Variants in ADARB1 observed in about 807,000 individuals in gnomAD.
ADARB1 encodes the protein double-stranded RNA-specific editase 1.
In ADARB1, 10 loss-of-function variants were observed where a neutral mutation model predicts 52.4. That is an observed-to-expected ratio of 0.19 (90% CI 0.12 to 0.32). ADARB1 has a LOEUF of 0.32. Among genes scored for constraint, ADARB1 ranks in the 10% least tolerant of loss-of-function variants. The probability of loss-of-function intolerance (pLI) is 1.00; values close to 1 mark genes in which losing one functional copy is unlikely to be tolerated. For missense variants in ADARB1, 643 were observed against 922.3 expected (o/e 0.70, Z 3.92); for synonymous variants, 349 against 371.1 (o/e 0.94, Z 0.68).
chr21:45,225,292 C>T lies in ADARB1; in HGVS notation c.*3095C>T. On this transcript the variant is annotated 3_prime_UTR_variant, in exon 11 of 11. Transcript: ENST00000348831. ...TCATCACCTGGTCGTACGCCAGGCC[C>T]ACCTCTTCCCAGCAAGGGACGCCAA... The T allele has an allele frequency of 8.5e-7, 1 of 1,181,834 alleles. No homozygotes were observed. Among genetic ancestry groups the T allele is most frequent in the Non-Finnish European group, 1.0e-6 (1 of 956,536 alleles). 73.2% of individuals were successfully genotyped at this position (1,181,834 alleles called of 1,614,324 possible).
In ADARB1 at chr21:45,224,833, G is replaced by A. The variant is rs1309940502; in HGVS notation, c.*2636G>A. ...AAAAAAAATAAACAAAATACAGAAC[G>A]CTGACTCCTCCGTGAGACAGATCGG... On this transcript the variant is annotated 3_prime_UTR_variant, in exon 11 of 11. Transcript: ENST00000348831. 1.8e-5 allele frequency: 18 copies of A among 985,542 alleles called. No homozygotes were observed. Among genetic ancestry groups the A allele is most frequent in the African/African-American group, 8.8e-5 (5 of 57,016 alleles). The allele number at this position is 985,542 out of a possible 1,614,324, so 61.0% of individuals were successfully genotyped here. A position where few individuals can be genotyped will look rare whatever the true frequency, so the allele number is the denominator to read the frequency against.
Position 45,089,819 on chromosome 21 carries a change from G to A in ADARB1, c.-220+15026G>A, listed in dbSNP as rs141891278. 2.2e-3 allele frequency among the ~76,000 whole-genome samples: 336 copies of A among 152,304 alleles called. 3 individuals carry two copies. Among genetic ancestry groups the A allele is most frequent in the African/African-American group, 7.8e-3 (326 of 41,570 alleles). On this transcript the variant is annotated intron_variant, in intron 1 of 10. Coordinates refer to ENST00000348831, the MANE Select transcript of ADARB1 (RefSeq NM_001112.4). ...GTGATAAAGTGATTGGTTTTTGTAT[G>A]TTGTGTCCACAGCTTGTCATTTGTG...
rs2838818 is a variant in ADARB1, at chr21:45,221,102, A to G, written c.1926+88A>G. The G allele has an allele frequency of 0.55, 772,733 of 1,406,158 alleles. 212,836 individuals carry two copies. Among genetic ancestry groups the G allele is most frequent in the East Asian group, 0.58 (23,219 of 39,762 alleles). 87.1% of individuals were successfully genotyped at this position (1,406,158 alleles called of 1,614,324 possible). A position where few individuals can be genotyped will look rare whatever the true frequency, so the allele number is the denominator to read the frequency against. On this transcript the variant is annotated intron_variant, in intron 10 of 10. Coordinates refer to ENST00000348831, the MANE Select transcript of ADARB1 (RefSeq NM_001112.4). This position sits in a 1 kb window ranked among gnomAD's most constrained non-coding sequence, Gnocchi z 4.9. ...CACCTACTGTTCCTTAAGTTGTTTCATCATGTCATCATGCACAGCTTCCGA... is the reference window on the plus strand; with the variant it reads ...CACCTACTGTTCCTTAAGTTGTTTCGTCATGTCATCATGCACAGCTTCCGA...
At chr21:45,186,992 A>T (rs746231492) in intron 8 of ADARB1, among the ~76,000 whole-genome samples, 4 of 152,146 alleles carry the variant, frequency 2.6e-5, no homozygotes. Flanking sequence ...TCTTTTTTCA[A>T]AATCCTTTTG....
chr21:45,089,984 C>CT, intron 1 of ADARB1, among the ~76,000 whole-genome samples: 1 of 152,328 alleles, frequency 6.6e-6, no homozygotes, highest in Middle Eastern at 3.4e-3. Flanking sequence ...GGCTAGCAGG[C>CT]TGCATCTCGT....
At chr21:45,191,477 G>A (rs1444720776) in intron 8 of ADARB1, among the ~76,000 whole-genome samples, 1 of 152,038 alleles carries the variant, frequency 6.6e-6, no homozygotes, top group Non-Finnish European at 1.5e-5. Context: ...TTGTCTTAGA[G>A]CCTTTTTATT....
At chr21:45,092,055 G>A (rs2086580924) in intron 1 of ADARB1, among the ~76,000 whole-genome samples, 1 of 152,214 alleles carries the variant, frequency 6.6e-6, no homozygotes, top group Admixed American at 6.5e-5. Flanking sequence ...ATTTCCTAGA[G>A]GAGGGTGTAG....
intron 2 of ADARB1, among the ~76,000 whole-genome samples, chr21:45,151,540 C>A (rs2090289324): frequency 6.6e-6 from 1 of 152,038 alleles, no homozygotes. Context: ...CTGCTTGACT[C>A]CTCCCCATAA....
chr21:45,112,533 T>G (rs1322201588), intron 1 of ADARB1, among the ~76,000 whole-genome samples: 3 of 151,768 alleles, frequency 2.0e-5, no homozygotes, highest in Non-Finnish European at 2.9e-5. Context: ...TGTGTAGAGT[T>G]GCATGGTGAG....
At chr21:45,163,683 T>C (rs147655663) in intron 2 of ADARB1, among the ~76,000 whole-genome samples, 2,803 of 152,308 alleles carry the variant, frequency 0.018, 36 homozygotes, top group Non-Finnish European at 0.029. Flanking sequence ...TAGTAGCACA[T>C]GTGTGACCTC....
At chr21:45,217,616 T>G (rs1407732871) in intron 9 of ADARB1, among the ~76,000 whole-genome samples, 1 of 152,170 alleles carries the variant, frequency 6.6e-6, no homozygotes, top group Non-Finnish European at 1.5e-5. Context: ...GAAAAAAACC[T>G]CTTGTATATT....
chr21:45,188,124 T>G (rs868726025), intron 8 of ADARB1, among the ~76,000 whole-genome samples: 6 of 152,118 alleles, frequency 3.9e-5, no homozygotes, highest in Non-Finnish European at 7.4e-5. Flanking sequence ...CTTTTTTTTT[T>G]GAGATGGAGT....
chr21:45,207,181 A>G (rs2092683781), intron 9 of ADARB1, among the ~76,000 whole-genome samples: 2 of 152,274 alleles, frequency 1.3e-5, no homozygotes, highest in Non-Finnish European at 2.9e-5. Flanking sequence ...ATCTGAGCCA[A>G]TAAACAATGT....
rs1307673346 is a variant in ADARB1 at position 45,128,160 on chromosome 21, C to T, written c.-219-242C>T. Among the ~76,000 whole-genome samples, 2 of 152,234 alleles carry T rather than the reference C, an allele frequency of 1.3e-5. No homozygotes were observed. The highest frequency in any genetic ancestry group is 6.5e-5 in the Admixed American group (1 of 15,286). ...TGATGCCGAGATGTTGGGCTGGCAG[C>T]GATCTGCCTCCGTCTGTCACAGGTG... On this transcript the variant is annotated intron_variant, in intron 1 of 10. Transcript: ENST00000348831. The surrounding 1 kb of genome is among the most constrained non-coding windows in gnomAD (Gnocchi z 4.6).
intron 1 of ADARB1, among the ~76,000 whole-genome samples, chr21:45,122,224 A>G (rs554598484): frequency 1.4e-4 from 21 of 152,370 alleles, no homozygotes; most frequent in African/African-American, 4.8e-4. Context: ...CAGAGCCTCA[A>G]TTTCCACAGT....
At position 45,175,993 on chromosome 21, in the gene ADARB1, C is replaced by G. The variant is rs758507445; in HGVS notation, c.292C>G (p.Leu98Val). ...CAAGCCTGGTTTGCAGTACACACTC[C>G]TGTCCCAGACTGGGCCCGTGCACGC... The part of the protein sequence containing the change: ...EIKPGLQYTL[L>V]SQTGPVHAPL... The change falls in exon 4 of 11, where the codon CTG (leucine) becomes GTG (valine). Residue 98 changes from leucine to valine, a missense_variant. Physicochemically the swap from Leu to Val is conservative, Grantham distance 32. Transcript: ENST00000348831. 2 of 1,614,084 alleles carry G rather than the reference C, an allele frequency of 1.2e-6. No homozygotes were observed. Among genetic ancestry groups the G allele is most frequent in the Non-Finnish European group, 1.7e-6 (2 of 1,179,976 alleles).
At chr21:45,184,784 T>C in intron 7 of ADARB1, 139 bp from the exon 8 acceptor site, 2 of 988,284 alleles carry the variant, frequency 2.0e-6, no homozygotes, top group Non-Finnish European at 3.0e-6. Flanking sequence ...GTATGTGTAT[T>C]TTGTATGTAT....
intron 1 of ADARB1, among the ~76,000 whole-genome samples, chr21:45,118,996 A>G (rs1221535383): frequency 6.6e-6 from 1 of 152,230 alleles, no homozygotes; most frequent in Non-Finnish European, 1.5e-5. Context: ...TTCATTCACC[A>G]CCAAAAAGTA....
At chr21:45,125,870 G>A (rs1187091072) in intron 1 of ADARB1, among the ~76,000 whole-genome samples, 1 of 152,004 alleles carries the variant, frequency 6.6e-6, no homozygotes, top group Non-Finnish European at 1.5e-5. Flanking sequence ...TGTTTTCTTT[G>A]AGCTTACTTT....
Sources: allele counts gnomAD v4.1 joint callset (sites outside exome capture counted in the v4.1 genomes callset), GRCh38; gene constraint gnomAD v4.1.1; non-coding constraint Gnocchi (gnomAD v3.1); transcripts MANE v1.5; gene names NCBI Gene and HGNC (gene_info 2026-07-23, HGNC 2026-07-21).